DMD: variants seen among roughly 807,000 people sequenced by gnomAD.
DMD encodes the protein mutant dystrophin.
DMD carries 63 observed loss-of-function variants against 330.1 expected under a neutral mutation model. The ratio of observed to expected loss-of-function variants is 0.19; its 90% CI spans 0.16 to 0.24. The LOEUF (loss-of-function observed/expected upper bound fraction) is 0.24, where lower values mean the gene tolerates loss of function less well. Ranked by LOEUF, DMD falls within the 10% of genes least tolerant of loss-of-function variation. The probability of loss-of-function intolerance (pLI) is 1.00; values close to 1 mark genes in which losing one functional copy is unlikely to be tolerated. For missense variants in DMD, 3,344 were observed against 2,684.1 expected, an observed-to-expected ratio of 1.25 and a Z score of -5.43; for synonymous variants, 1,223 against 959.8, an observed-to-expected ratio of 1.27 and a Z score of -5.07.
intron 60 of DMD, among the ~76,000 whole-genome samples, chrX:31,417,849 G>A (rs1362316465): frequency 3.7e-5 from 4 of 107,689 alleles, no homozygotes; most frequent in African/African-American, 1.4e-4. Context: ...CACCATGCCC[G>A]GCTAATTTTT....
intron 2 of DMD, among the ~76,000 whole-genome samples, chrX:32,897,174 G>A (rs1379790880): frequency 9.0e-6 from 1 of 111,533 alleles, no homozygotes; most frequent in Admixed American, 9.6e-5. Context: ...TTCAAAACAA[G>A]GCTTTGGTTC....
chrX:31,476,831 C>A (rs748444290), intron 59 of DMD, among the ~76,000 whole-genome samples: 13 of 111,058 alleles, frequency 1.2e-4, no homozygotes, highest in African/African-American at 4.3e-4. Flanking sequence ...GTAAAAGATG[C>A]TGGGGATTAA....
At chrX:32,765,601 G>A (rs2072886429) in intron 7 of DMD, among the ~76,000 whole-genome samples, 2 of 111,732 alleles carry the variant, frequency 1.8e-5, no homozygotes, top group Admixed American at 9.5e-5. Context: ...GCACAGTCTG[G>A]ATATTAATTC....
At chrX:32,689,216 T>TA (rs983690236) in intron 9 of DMD, among the ~76,000 whole-genome samples, 1 of 110,960 alleles carries the variant, frequency 9.0e-6, no homozygotes, top group Non-Finnish European at 1.9e-5. Flanking sequence ...ATCATTTTTT[T>TA]AAAAACCTCT....
intron 1 of DMD, among the ~76,000 whole-genome samples, chrX:33,223,234 C>T (rs1024567384): frequency 8.0e-5 from 9 of 111,827 alleles, no homozygotes; most frequent in Admixed American, 2.9e-4. Flanking sequence ...TCGCTTGAAC[C>T]CAGGAGGCGG....
At chrX:31,434,418 GCA>G (rs10572572) in intron 60 of DMD, among the ~76,000 whole-genome samples, 8,828 of 77,422 alleles carry the variant, frequency 0.11, 442 homozygotes, top group Middle Eastern at 0.15. Flanking sequence ...CAGCGCGCGC[GCA>G]CACACACACA....
intron 43 of DMD, among the ~76,000 whole-genome samples, chrX:32,231,094 T>C (rs1332696064): frequency 1.8e-5 from 2 of 112,398 alleles, no homozygotes; most frequent in Non-Finnish European, 3.8e-5. Context: ...ATGATTTTAC[T>C]GCTATTGTAA....
chrX:32,960,938 A>G (rs1021323140), intron 2 of DMD, among the ~76,000 whole-genome samples: 3 of 101,527 alleles, frequency 3.0e-5, no homozygotes, highest in African/African-American at 1.1e-4. Flanking sequence ...AAAAAAAAAA[A>G]GGTCAATTTA....
At chrX:33,022,769 C>A (rs1205881102) in intron 1 of DMD, among the ~76,000 whole-genome samples, 1 of 111,370 alleles carries the variant, frequency 9.0e-6, no homozygotes, top group Non-Finnish European at 1.9e-5. Flanking sequence ...GACCAGATAT[C>A]TATCATTTAC....
intron 48 of DMD, among the ~76,000 whole-genome samples, chrX:31,845,179 C>G (rs2093395988): frequency 9.0e-6 from 1 of 110,532 alleles, no homozygotes; most frequent in South Asian, 3.8e-4. Flanking sequence ...GACTGCTCCT[C>G]TCTTCAGGAA....
intron 41 of DMD, among the ~76,000 whole-genome samples, chrX:32,318,948 C>T (rs2097596150): frequency 9.0e-6 from 1 of 110,732 alleles, no homozygotes; most frequent in Non-Finnish European, 1.9e-5. Context: ...GCTCATTGAC[C>T]TGCCTCATGT....
At chrX:32,909,750 C>A (rs962986209) in intron 2 of DMD, among the ~76,000 whole-genome samples, 2 of 112,049 alleles carry the variant, frequency 1.8e-5, no homozygotes, top group Non-Finnish European at 3.8e-5. Flanking sequence ...AACTCAAAAA[C>A]TAAATCATTA....
At chrX:32,888,171 T>A (rs2084854078) in intron 2 of DMD, among the ~76,000 whole-genome samples, 1 of 110,774 alleles carries the variant, frequency 9.0e-6, no homozygotes. Flanking sequence ...AGTTCTGGGA[T>A]ACATGTGCAG....
chrX:33,092,845 G>T (rs1327730958), intron 1 of DMD, among the ~76,000 whole-genome samples: 2 of 110,280 alleles, frequency 1.8e-5, no homozygotes, highest in South Asian at 7.7e-4. Context: ...TTGTAGCACC[G>T]TAATTTTCTT....
At chrX:32,717,529 T>G (rs979129347) in intron 7 of DMD, among the ~76,000 whole-genome samples, 4 of 112,018 alleles carry the variant, frequency 3.6e-5, no homozygotes, top group African/African-American at 6.5e-5. Flanking sequence ...AGAAGTCTGC[T>G]GCAGCGGGGG....
chrX:32,409,637 G>A (rs963302694), intron 30 of DMD, among the ~76,000 whole-genome samples: 6 of 111,397 alleles, frequency 5.4e-5, no homozygotes, highest in Admixed American at 9.6e-5. Context: ...ATTTCATTCC[G>A]CAAGTCTGTC....
intron 48 of DMD, among the ~76,000 whole-genome samples, chrX:31,845,037 T>C (rs1383519355): frequency 5.1e-5 from 5 of 98,057 alleles, no homozygotes; most frequent in African/African-American, 2.0e-4. Flanking sequence ...TACATATATA[T>C]ATATATATGT....
intron 44 of DMD, among the ~76,000 whole-genome samples, chrX:32,196,812 C>T (rs1027275622): frequency 2.8e-5 from 3 of 108,638 alleles, no homozygotes; most frequent in Admixed American, 9.9e-5. Flanking sequence ...GGTGAAACCC[C>T]GTCTCTACTA....
intron 59 of DMD, among the ~76,000 whole-genome samples, chrX:31,449,787 TATATATATATAG>T (rs1201293433): frequency 7.8e-5 from 7 of 89,690 alleles, no homozygotes; most frequent in African/African-American, 1.7e-4. Flanking sequence ...TATATATATA[TATATATATATAG>T]ATAGATAGAT....
Sources: allele counts gnomAD v4.1 joint callset (sites outside exome capture counted in the v4.1 genomes callset), GRCh38; gene constraint gnomAD v4.1.1; transcripts MANE v1.5; gene names NCBI Gene and HGNC (gene_info 2026-07-23, HGNC 2026-07-21).